ASIC2: variants seen among roughly 807,000 people sequenced by gnomAD.
The protein encoded by ASIC2 is acid-sensing ion channel 2.
ASIC2 carries 25 observed loss-of-function variants against 57.3 expected under a neutral mutation model. The ratio of observed to expected loss-of-function variants is 0.44; its 90% CI spans 0.32 to 0.61. The LOEUF (loss-of-function observed/expected upper bound fraction) is 0.61, where lower values mean the gene tolerates loss of function less well. ASIC2 is among the 20% of genes least tolerant of loss of function. The pLI is 0.06. For missense variants in ASIC2, 641 were observed against 738.1 expected (o/e 0.87, Z 1.52); for synonymous variants, 319 against 307.5 (o/e 1.04, Z -0.39).
At chr17:33,120,378 G>A (rs1273857335) in intron 1 of ASIC2, among the ~76,000 whole-genome samples, 2 of 152,240 alleles carry the variant, frequency 1.3e-5, no homozygotes, top group South Asian at 2.1e-4. Flanking sequence ...AGAGCATCAA[G>A]CGCCTGCAAA....
intron 1 of ASIC2, among the ~76,000 whole-genome samples, chr17:33,615,802 A>C (rs150795412): frequency 7.2e-5 from 11 of 152,304 alleles, no homozygotes; most frequent in African/African-American, 2.6e-4. Context: ...CTGGTACATT[A>C]ATAACTCTTG....
intron 1 of ASIC2, among the ~76,000 whole-genome samples, chr17:33,937,420 G>A (rs1450370693): frequency 6.9e-6 from 1 of 145,526 alleles, no homozygotes; most frequent in South Asian, 2.2e-4. Context: ...TTTTGAATCA[G>A]AGCTCTTTTT....
rs2092187723 is a variant in ASIC2, at chr17:33,097,601, A to G, written c.860-8611T>C. 2.0e-5 allele frequency among the ~76,000 whole-genome samples: 3 copies of G among 152,156 alleles called. No individual in the cohort carries two copies. In the South Asian group the frequency reaches 6.2e-4, roughly 32 times the overall value. On this transcript the variant is annotated intron_variant, in intron 2 of 9. Coordinates refer to ENST00000225823, the MANE Select transcript of ASIC2 (RefSeq NM_183377.2). The stretch of plus-strand genomic sequence containing the variant: ...CAGTGGCTGGGATCCAGGTCTCTAG[A>G]TTCCTCACCCTCCCCTGCCTTTTGT...
chr17:33,713,767 T>C (rs1231819037), intron 1 of ASIC2, among the ~76,000 whole-genome samples: 1 of 152,282 alleles, frequency 6.6e-6, no homozygotes, highest in Non-Finnish European at 1.5e-5. Context: ...AACCCAATGC[T>C]GATCCAGGGA....
At chr17:34,032,699 C>G (rs932479445) in intron 1 of ASIC2, among the ~76,000 whole-genome samples, 11 of 152,094 alleles carry the variant, frequency 7.2e-5, no homozygotes, top group Non-Finnish European at 1.5e-4. Flanking sequence ...CAAAAAAAGG[C>G]AGGGATTGCA....
chr17:33,242,664 C>T (rs756760336), intron 1 of ASIC2, among the ~76,000 whole-genome samples: 2 of 152,170 alleles, frequency 1.3e-5, no homozygotes, highest in African/African-American at 4.8e-5. Context: ...AATCCCGAGA[C>T]GTCCGGGAGT....
intron 1 of ASIC2, among the ~76,000 whole-genome samples, chr17:33,166,487 A>T (rs1279406024): frequency 2.0e-5 from 3 of 152,174 alleles, no homozygotes; most frequent in African/African-American, 7.2e-5. Context: ...TATCTGGGAA[A>T]ATTAAGAAAT....
intron 1 of ASIC2, among the ~76,000 whole-genome samples, chr17:34,075,360 G>A (rs1262248203): frequency 2.0e-5 from 3 of 152,172 alleles, no homozygotes; most frequent in African/African-American, 4.8e-5. Context: ...AATTAGCTGT[G>A]TGGCCATGGA....
chr17:34,056,384 G>A (rs946294292), intron 1 of ASIC2, among the ~76,000 whole-genome samples: 4 of 152,104 alleles, frequency 2.6e-5, no homozygotes, highest in African/African-American at 9.7e-5. Context: ...GTGGAGGGAT[G>A]GAAAATGGGT....
chr17:33,111,809 T>C, intron 2 of ASIC2, 108 bp downstream of exon 2: 1 of 1,447,364 alleles, frequency 6.9e-7, no homozygotes, highest in African/African-American at 1.4e-5. Flanking sequence ...AACCCCTTGC[T>C]GGAGAGCAGT....
At chr17:33,804,612 A>G (rs973180444) in intron 1 of ASIC2, among the ~76,000 whole-genome samples, 1 of 152,210 alleles carries the variant, frequency 6.6e-6, no homozygotes, top group Non-Finnish European at 1.5e-5. Context: ...TATGGCCACA[A>G]TGACTCTGCA....
At chr17:33,726,453 G>A (rs1200959026) in intron 1 of ASIC2, among the ~76,000 whole-genome samples, 1 of 152,182 alleles carries the variant, frequency 6.6e-6, no homozygotes, top group African/African-American at 2.4e-5. Flanking sequence ...TGTTCAGCTT[G>A]AAATGTCTCT....
At chr17:33,305,583 T>C (rs569917103) in intron 1 of ASIC2, among the ~76,000 whole-genome samples, 1 of 152,222 alleles carries the variant, frequency 6.6e-6, no homozygotes, top group Non-Finnish European at 1.5e-5. Flanking sequence ...TCATTTAATG[T>C]TGGGGCAAAC....
chr17:33,431,544 G>A (rs368138962), intron 1 of ASIC2, among the ~76,000 whole-genome samples: 4 of 152,130 alleles, frequency 2.6e-5, no homozygotes, highest in East Asian at 1.9e-4. Context: ...GGCGGAGGTC[G>A]CCGTGAGCTG....
At chr17:33,125,726 C>T (rs952135226) in intron 1 of ASIC2, among the ~76,000 whole-genome samples, 5 of 152,230 alleles carry the variant, frequency 3.3e-5, no homozygotes, top group Admixed American at 1.3e-4. Flanking sequence ...AACTCTTCAG[C>T]GTAATTGCAT....
At chr17:33,783,774 C>T (rs933889738) in intron 1 of ASIC2, among the ~76,000 whole-genome samples, 4 of 152,248 alleles carry the variant, frequency 2.6e-5, no homozygotes, top group African/African-American at 9.6e-5. Flanking sequence ...TTAGTCCCAA[C>T]TCCAGTTGTA....
intron 1 of ASIC2, among the ~76,000 whole-genome samples, chr17:33,170,103 G>C (rs1269481334): frequency 6.6e-6 from 1 of 152,194 alleles, no homozygotes; most frequent in African/African-American, 2.4e-5. Flanking sequence ...GTGGGAATGT[G>C]GGAGTCCTTC....
rs145892312 is a variant in ASIC2, at chr17:33,957,516, A to T, written c.555+198462T>A. Among the ~76,000 whole-genome samples the T allele has an allele frequency of 4.0e-3, 605 of 152,336 alleles. 7 individuals carry two copies. Among genetic ancestry groups the T allele is most frequent in the African/African-American group, 0.014 (575 of 41,568 alleles). On this transcript the variant is annotated intron_variant, in intron 1 of 9. Coordinates refer to the ASIC2 transcript ENST00000359872. ...GAAGGCAAAGGAGTAACAAAGGCAT[A>T]TCATACATGGCAGCAGGCAAGAGAG...
chr17:33,868,797 C>A (rs115661743), intron 1 of ASIC2, among the ~76,000 whole-genome samples: 78 of 152,320 alleles, frequency 5.1e-4, no homozygotes, highest in African/African-American at 1.8e-3. Context: ...GGCATTGTGG[C>A]TCATACCTGT....
Sources: gnomAD v4.1 joint callset for allele counts (sites outside exome capture counted in the v4.1 genomes callset) on GRCh38, gnomAD v4.1.1 for gene constraint, MANE v1.5 for transcripts, NCBI Gene and HGNC (gene_info 2026-07-23, HGNC 2026-07-21) for gene names.